The following ACCSL variants were observed in gnomAD, a reference collection of about 807,000 sequenced individuals.
The protein encoded by ACCSL is probable inactive 1-aminocyclopropane-1-carboxylate synthase-like protein 2.
ACCSL carries 55 observed loss-of-function variants against 61.7 expected under a neutral mutation model. That is an observed-to-expected ratio of 0.89 (90% CI 0.72 to 1.12). ACCSL has a LOEUF of 1.12. Among genes scored for constraint, ACCSL ranks in the 50% most tolerant of loss-of-function variants. ACCSL has a pLI of 0.00. For missense variants in ACCSL, 632 were observed against 698.0 expected (o/e 0.91, Z 1.07); for synonymous variants, 258 against 264.3 (o/e 0.98, Z 0.23).
At chr11:44,059,268 C>T (rs375068115) in intron 13 of ACCSL, among the ~76,000 whole-genome samples, 1 of 151,938 alleles carries the variant, frequency 6.6e-6, no homozygotes, top group African/African-American at 2.4e-5. Flanking sequence ...AAACAAAACC[C>T]GAAAAAAGTA....
the ACCSL span, among the ~76,000 whole-genome samples, chr11:44,020,828 C>A: frequency 6.6e-6 from 1 of 151,902 alleles, no homozygotes; most frequent in Non-Finnish European, 1.5e-5. Context: ...CATTCTTATG[C>A]CTTCATGTCC....
chr11:44,013,752 C>CAAAAACAAAAACAA, the ACCSL span, among the ~76,000 whole-genome samples: 120,552 of 149,006 alleles, frequency 0.81, 48,207 homozygotes, highest in African/African-American at 0.87. Flanking sequence ...TAGTTTAATT[C>CAAAAACAAAAACAA]AAAAACAAAA....
the ACCSL span, among the ~76,000 whole-genome samples, chr11:43,977,659 T>A: frequency 6.6e-6 from 1 of 152,238 alleles, no homozygotes; most frequent in Non-Finnish European, 1.5e-5. Flanking sequence ...AGCCATTAAA[T>A]TTGTGGTAAT....
At chr11:43,963,302 A>G in the ACCSL span, among the ~76,000 whole-genome samples, 12 of 152,218 alleles carry the variant, frequency 7.9e-5, no homozygotes, top group Non-Finnish European at 1.5e-4. Context: ...TCACGGCATG[A>G]AGCTAGACAA....
chr11:43,930,610 G>A, the ACCSL span, among the ~76,000 whole-genome samples: 1 of 152,078 alleles, frequency 6.6e-6, no homozygotes, highest in Non-Finnish European at 1.5e-5. Flanking sequence ...AGCTTCCTGA[G>A]GCTTCACCAG....
At chr11:44,029,800 A>G in the ACCSL span, among the ~76,000 whole-genome samples, 3 of 151,862 alleles carry the variant, frequency 2.0e-5, no homozygotes, top group African/African-American at 7.3e-5. Context: ...GTGATCTTGG[A>G]TTGGCTAAGG....
the ACCSL span, among the ~76,000 whole-genome samples, chr11:44,020,521 A>G: frequency 2.6e-5 from 4 of 152,262 alleles, no homozygotes; most frequent in African/African-American, 9.6e-5. Context: ...GTGTGTTTTT[A>G]TCATGAAAGA....
the ACCSL span, among the ~76,000 whole-genome samples, chr11:43,965,777 G>A: frequency 5.3e-4 from 81 of 152,236 alleles, no homozygotes; most frequent in African/African-American, 1.9e-3. Context: ...ACAGAATTGC[G>A]AGTTCATAAA....
At chr11:43,946,342 C>G in the ACCSL span, among the ~76,000 whole-genome samples, 21 of 152,266 alleles carry the variant, frequency 1.4e-4, no homozygotes, top group African/African-American at 4.8e-4. Context: ...AAGTGACCTG[C>G]CCTCCACGGC....
At chr11:44,059,570 C>A (rs756837604) in intron 13 of ACCSL, among the ~76,000 whole-genome samples, 21 of 152,182 alleles carry the variant, frequency 1.4e-4, no homozygotes, top group Non-Finnish European at 2.8e-4. Flanking sequence ...AAATAGAAAT[C>A]CTGATTAGGC....
the ACCSL span, among the ~76,000 whole-genome samples, chr11:44,016,798 G>A: frequency 6.6e-6 from 1 of 152,178 alleles, no homozygotes; most frequent in African/African-American, 2.4e-5. Context: ...CAGGCCTGCG[G>A]TAGTTAACAG....
At chr11:43,999,916 A>G in the ACCSL span, among the ~76,000 whole-genome samples, 45 of 152,304 alleles carry the variant, frequency 3.0e-4, no homozygotes, top group Admixed American at 6.5e-4. Context: ...AAACCAATAC[A>G]GTATAATAAT....
the ACCSL span, among the ~76,000 whole-genome samples, chr11:44,005,581 T>C: frequency 6.6e-6 from 1 of 152,050 alleles, no homozygotes; most frequent in African/African-American, 2.4e-5. Context: ...GTTTGGGGCA[T>C]TGGGTGTGTT....
the ACCSL span, among the ~76,000 whole-genome samples, chr11:43,979,575 A>C: frequency 6.6e-6 from 1 of 152,166 alleles, no homozygotes; most frequent in African/African-American, 2.4e-5. Context: ...TATGCCCTGA[A>C]TAGTAAGTCT....
chr11:44,049,566 A>T (rs1384826817), intron 1 of ACCSL, among the ~76,000 whole-genome samples: 1 of 151,660 alleles, frequency 6.6e-6, no homozygotes, highest in African/African-American at 2.4e-5. Context: ...TTCTGTTCCT[A>T]TCTCTGTTCT....
the ACCSL span, among the ~76,000 whole-genome samples, chr11:43,932,320 T>G: frequency 6.6e-6 from 1 of 152,022 alleles, no homozygotes; most frequent in Non-Finnish European, 1.5e-5. Context: ...CAGGCTGGAG[T>G]GCAGTGGCAC....
the ACCSL span, among the ~76,000 whole-genome samples, chr11:44,030,966 T>C: frequency 3.3e-5 from 5 of 152,276 alleles, no homozygotes; most frequent in African/African-American, 1.2e-4. Context: ...TTAAGCAACA[T>C]GCCCAAGGCC....
At chr11:43,929,268 T>TG in the ACCSL span, among the ~76,000 whole-genome samples, 1 of 152,220 alleles carries the variant, frequency 6.6e-6, no homozygotes, top group African/African-American at 2.4e-5. Context: ...TTACCCAGGC[T>TG]GGAGTCATTG....
At chr11:43,988,254 T>C in the ACCSL span, among the ~76,000 whole-genome samples, 2 of 152,146 alleles carry the variant, frequency 1.3e-5, no homozygotes, top group Non-Finnish European at 1.5e-5. Flanking sequence ...AGGGCCTGCC[T>C]GGAGTGCCCA....
Sources: allele counts gnomAD v4.1 joint callset (sites outside exome capture counted in the v4.1 genomes callset), GRCh38; gene constraint gnomAD v4.1.1; transcripts MANE v1.5; gene names NCBI Gene and HGNC (gene_info 2026-07-23, HGNC 2026-07-21).